LRRC36: variants seen among roughly 807,000 people sequenced by gnomAD.
LRRC36 encodes leucine rich repeat containing 36, also known as leucine-rich repeat-containing protein 36.
A neutral mutation model predicts 81.1 loss-of-function variants in LRRC36; 62 were observed. The ratio of observed to expected loss-of-function variants is 0.76; its 90% CI spans 0.62 to 0.94. The LOEUF (loss-of-function observed/expected upper bound fraction) is 0.94. Among genes scored for constraint, LRRC36 ranks in the 40% least tolerant of loss-of-function variants. LRRC36 has a pLI of 0.00. For synonymous variants in LRRC36, 334 were observed against 348.6 expected (o/e 0.96, Z 0.47); for missense variants, 761 against 881.7 (o/e 0.86, Z 1.73).
intron 5 of LRRC36, among the ~76,000 whole-genome samples, chr16:67,353,185 CAAAT>C (rs1197439268): frequency 6.6e-6 from 1 of 151,956 alleles, no homozygotes; most frequent in African/African-American, 2.4e-5. Flanking sequence ...AACAAACAAA[CAAAT>C]AAGCCCCTCT....
intron 13 of LRRC36, 34 bp downstream of exon 13, chr16:67,382,281 G>A: frequency 4.0e-6 from 6 of 1,484,122 alleles, no homozygotes; most frequent in Non-Finnish European, 5.6e-6. Context: ...GCTTCTAGAA[G>A]CAGATATTTA....
At position 67,351,279 on chromosome 16, in the gene LRRC36, G is replaced by A. The variant is rs181330537; in HGVS notation, c.577+989G>A. ...AAACTCTAAACATCAATTCCTAAAA[G>A]CCAAGCAATAACTTTAGTAGATTGA... On this transcript the variant is annotated intron_variant, in intron 5 of 13. Coordinates refer to ENST00000329956, the MANE Select transcript of LRRC36 (RefSeq NM_018296.6). Among the ~76,000 whole-genome samples, 215 of 152,240 alleles carry A rather than the reference G, an allele frequency of 1.4e-3. 1 individual carries two copies. The highest frequency in any genetic ancestry group is 4.8e-3 in the African/African-American group (201 of 41,524).
At chr16:67,345,896 G>A (rs758189912) in intron 2 of LRRC36, among the ~76,000 whole-genome samples, 1 of 152,046 alleles carries the variant, frequency 6.6e-6, no homozygotes, top group Non-Finnish European at 1.5e-5. Context: ...GGACAAAAGT[G>A]AGAGAATTCT....
At chr16:67,339,278 G>T (rs767768789) in intron 1 of LRRC36, among the ~76,000 whole-genome samples, 7 of 147,700 alleles carry the variant, frequency 4.7e-5, no homozygotes, top group Non-Finnish European at 8.9e-5. Flanking sequence ...AAAAAAAAAG[G>T]CAATTAGTGT....
chr16:67,330,405 C>G (rs908257174), intron 1 of LRRC36, among the ~76,000 whole-genome samples: 32 of 152,038 alleles, frequency 2.1e-4, no homozygotes, highest in African/African-American at 7.7e-4. Context: ...GTTTGCTTAT[C>G]CTGAGGTACA....
rs753718862 is a variant in LRRC36 at position 67,367,632 on chromosome 16, G to GAT, written c.1195+184_1195+185dup. 1.4e-4 allele frequency among the ~76,000 whole-genome samples: 21 copies of GAT among 152,248 alleles called. No homozygotes were observed. In the East Asian group the frequency reaches 4.0e-3, roughly 29 times the overall value. On this transcript the variant is annotated intron_variant, in intron 8 of 13. Transcript: ENST00000329956. Reference sequence around the variant, plus strand: ...AATCTGTAGGGTATGAGTTTAACATGATATATATATTAGGGAAAATTTGTA... The same window carrying GAT: ...AATCTGTAGGGTATGAGTTTAACATGATATATATATATTAGGGAAAATTTGTA...
At chr16:67,360,089 C>T (rs1204649536) in intron 5 of LRRC36, among the ~76,000 whole-genome samples, 3 of 150,584 alleles carry the variant, frequency 2.0e-5, no homozygotes, top group African/African-American at 7.4e-5. Flanking sequence ...TGCGCCATTG[C>T]ACTCCAGAGC....
intron 13 of LRRC36, 130 bp from the exon 14 acceptor site, chr16:67,384,740 A>G: frequency 3.1e-6 from 2 of 653,184 alleles, no homozygotes; most frequent in Non-Finnish European, 5.4e-6. Context: ...ACTCAATCAT[A>G]AATTGGACAG....
chr16:67,354,659 C>T (rs1285822576), intron 5 of LRRC36, among the ~76,000 whole-genome samples: 2 of 152,144 alleles, frequency 1.3e-5, no homozygotes, highest in Admixed American at 1.3e-4. Context: ...GTAGAGTTCC[C>T]ATATACCCTA....
chr16:67,383,436 G>A (rs1322353444), intron 13 of LRRC36, among the ~76,000 whole-genome samples: 1 of 152,170 alleles, frequency 6.6e-6, no homozygotes, highest in Non-Finnish European at 1.5e-5. Flanking sequence ...TAACTCGAAG[G>A]ACGTGTTGAA....
chr16:67,326,959 C>T, intron 1 of LRRC36, 27 bp downstream of exon 1: 1 of 1,488,176 alleles, frequency 6.7e-7, no homozygotes. Flanking sequence ...AGGGTGTGGA[C>T]TGGGAACGTA....
intron 1 of LRRC36, among the ~76,000 whole-genome samples, chr16:67,334,224 G>A (rs749133661): frequency 4.0e-5 from 6 of 151,836 alleles, no homozygotes; most frequent in Non-Finnish European, 7.4e-5. Flanking sequence ...GTAGAGACCG[G>A]GTTTCACCAT....
At chr16:67,352,332 G>A (rs1163422884) in intron 5 of LRRC36, among the ~76,000 whole-genome samples, 1 of 152,220 alleles carries the variant, frequency 6.6e-6, no homozygotes, top group Non-Finnish European at 1.5e-5. Context: ...GATCAAAGTG[G>A]TTATGCCATG....
chr16:67,370,895 A>C (rs1390476856), intron 8 of LRRC36, 49 bp from the exon 9 acceptor site: 1 of 1,520,210 alleles, frequency 6.6e-7, no homozygotes, highest in South Asian at 1.2e-5. Context: ...GAAGTGAGAC[A>C]TGAGGCAGTC....
In LRRC36 at chr16:67,363,629, A is replaced by T. The variant is rs1263614288; in HGVS notation, c.617A>T (p.Glu206Val). The change falls in exon 6 of 14, where the codon GAA becomes GTA. Residue 206 changes from glutamate to valine, a missense_variant. Coordinates refer to ENST00000329956, the MANE Select transcript of LRRC36 (RefSeq NM_018296.6). ...KGLFIPFPNR[E>V]IKDSLSTSAT... The stretch of plus-strand genomic sequence containing the variant: ...CTTTTTATTCCCTTCCCCAACCGGG[A>T]AATAAAGGATTCCCTAAGTACTTCT... The T allele has an allele frequency of 1.9e-6, 3 of 1,614,004 alleles. No individual in the cohort carries two copies. Among genetic ancestry groups the T allele is most frequent in the Non-Finnish European group, 2.5e-6 (3 of 1,179,886 alleles).
At chr16:67,363,829 T>A in intron 6 of LRRC36, 115 bp downstream of exon 6, 1 of 1,125,132 alleles carries the variant, frequency 8.9e-7, no homozygotes, top group Non-Finnish European at 1.3e-6. Flanking sequence ...TGAAGGCATT[T>A]TAGACCCTTT....
At chr16:67,364,206 G>T (rs984605003) in intron 6 of LRRC36, among the ~76,000 whole-genome samples, 4 of 152,202 alleles carry the variant, frequency 2.6e-5, no homozygotes, top group African/African-American at 9.6e-5. Flanking sequence ...TGGGCAATGG[G>T]AAGATAGAGA....
intron 1 of LRRC36, among the ~76,000 whole-genome samples, chr16:67,332,247 C>G (rs2037528688): frequency 6.6e-6 from 1 of 151,980 alleles, no homozygotes; most frequent in Non-Finnish European, 1.5e-5. Flanking sequence ...TCTGATTTGT[C>G]TTCACTCTTT....
chr16:67,359,888 C>G (rs2039065469), intron 5 of LRRC36, among the ~76,000 whole-genome samples: 1 of 152,040 alleles, frequency 6.6e-6, no homozygotes, highest in African/African-American at 2.4e-5. Context: ...TTTGGGAGGC[C>G]AAGGTGGGCG....
Sources: gnomAD v4.1 joint callset for allele counts (sites outside exome capture counted in the v4.1 genomes callset) on GRCh38, gnomAD v4.1.1 for gene constraint, MANE v1.5 for transcripts, NCBI Gene and HGNC (gene_info 2026-07-23, HGNC 2026-07-21) for gene names.